The following LPP variants were observed in gnomAD, a reference collection of about 807,000 sequenced individuals.
LPP encodes the protein LIM domain containing preferred translocation partner in lipoma.
Under a neutral mutation model 60.4 loss-of-function variants are expected in LPP, and 38 were observed. The ratio of observed to expected loss-of-function variants is 0.63; its 90% CI spans 0.49 to 0.83. The LOEUF is 0.83. LPP is among the 40% of genes least tolerant of loss of function. LPP has a pLI of 0.00. For missense variants in LPP, 902 were observed against 783.6 expected (o/e 1.15, Z -1.80); for synonymous variants, 328 against 290.8 (o/e 1.13, Z -1.30).
chr3:188,760,409 GGTGTGTGTGTGT>G (rs3841956), intron 9 of LPP, 127 bp downstream of exon 9: 13 of 602,708 alleles, frequency 2.2e-5, no homozygotes, highest in East Asian at 5.7e-5. Flanking sequence ...GTGTGTGTGG[GGTGTGTGTGTGT>G]GTGTGTGTGT....
At chr3:188,316,205 G>C (rs192566125) in intron 2 of LPP, among the ~76,000 whole-genome samples, 2 of 152,350 alleles carry the variant, frequency 1.3e-5, no homozygotes, top group East Asian at 3.9e-4. Context: ...TTGAACTCAG[G>C]AGGCGGAGGT....
intron 7 of LPP, among the ~76,000 whole-genome samples, chr3:188,640,550 G>A (rs1227770227): frequency 1.0e-4 from 14 of 137,180 alleles, no homozygotes; most frequent in East Asian, 8.5e-4. Flanking sequence ...AGTTTGGGAC[G>A]AAAAAAAAAA....
chr3:188,306,215 G>A (rs1751475367), intron 2 of LPP, among the ~76,000 whole-genome samples: 1 of 151,640 alleles, frequency 6.6e-6, no homozygotes, highest in Admixed American at 6.6e-5. Context: ...CAAGTAGCTG[G>A]GATTGCAGGT....
At chr3:188,685,374 G>A (rs941180162) in intron 7 of LPP, among the ~76,000 whole-genome samples, 4 of 152,146 alleles carry the variant, frequency 2.6e-5, no homozygotes, top group African/African-American at 9.7e-5. Flanking sequence ...CACAGCCTCG[G>A]TGTGGAAAAT....
intron 5 of LPP, among the ~76,000 whole-genome samples, chr3:188,489,144 A>G (rs1422519485): frequency 6.6e-6 from 1 of 152,216 alleles, no homozygotes; most frequent in African/African-American, 2.4e-5. Flanking sequence ...TTCCTACATA[A>G]CAAAATGTTT....
chr3:188,365,074 G>A (rs1770705615), intron 3 of LPP, among the ~76,000 whole-genome samples: 1 of 150,112 alleles, frequency 6.7e-6, no homozygotes, highest in African/African-American at 2.5e-5. Context: ...TCCTCCTTAT[G>A]TTTTTTTCCT....
intron 6 of LPP, among the ~76,000 whole-genome samples, chr3:188,564,151 T>C (rs1175391104): frequency 1.3e-5 from 2 of 152,018 alleles, no homozygotes; most frequent in Non-Finnish European, 2.9e-5. Flanking sequence ...ATAATCAGAC[T>C]TTAAAAAATA....
At chr3:188,253,371 G>T (rs1730598118) in intron 2 of LPP, among the ~76,000 whole-genome samples, 2 of 152,124 alleles carry the variant, frequency 1.3e-5, no homozygotes, top group African/African-American at 4.8e-5. Context: ...TACCTGTATA[G>T]TTTCATTTTT....
intron 3 of LPP, among the ~76,000 whole-genome samples, chr3:188,356,747 C>A (rs763761182): frequency 1.9e-4 from 29 of 152,092 alleles, no homozygotes; most frequent in Non-Finnish European, 2.9e-4. Context: ...CTAATTGAGA[C>A]CTCATTTGTT....
chr3:188,365,331 C>T (rs1341690141), intron 3 of LPP, among the ~76,000 whole-genome samples: 2 of 152,212 alleles, frequency 1.3e-5, no homozygotes, highest in Non-Finnish European at 1.5e-5. Context: ...ATTATGACAA[C>T]AGAGGATGCC....
At chr3:188,210,915 C>T (rs989525328) in intron 1 of LPP, among the ~76,000 whole-genome samples, 2 of 152,120 alleles carry the variant, frequency 1.3e-5, no homozygotes, top group Non-Finnish European at 2.9e-5. Flanking sequence ...GTTGCAATGG[C>T]GAGATCTCTG....
At chr3:188,386,240 T>C (rs1444937296) in intron 3 of LPP, among the ~76,000 whole-genome samples, 1 of 147,946 alleles carries the variant, frequency 6.8e-6, no homozygotes, top group African/African-American at 2.5e-5. Flanking sequence ...CTTCAGTAGA[T>C]AGCACTTAAG....
At chr3:188,561,625 A>G (rs1830707840) in intron 6 of LPP, among the ~76,000 whole-genome samples, 1 of 152,072 alleles carries the variant, frequency 6.6e-6, no homozygotes, top group South Asian at 2.1e-4. Context: ...TTCATGTTTT[A>G]TAAAGCATTG....
At chr3:188,443,446 T>C (rs1456000894) in intron 4 of LPP, among the ~76,000 whole-genome samples, 1 of 152,230 alleles carries the variant, frequency 6.6e-6, no homozygotes, top group South Asian at 2.1e-4. Context: ...AGTTTCTCCA[T>C]TTATCCAATA....
intron 9 of LPP, among the ~76,000 whole-genome samples, chr3:188,812,537 G>A (rs764669363): frequency 6.6e-5 from 10 of 152,168 alleles, no homozygotes; most frequent in Non-Finnish European, 1.3e-4. Context: ...TTTAGCATCT[G>A]TGTTTATCTT....
intron 6 of LPP, among the ~76,000 whole-genome samples, chr3:188,570,125 T>C (rs1833187925): frequency 6.6e-6 from 1 of 151,882 alleles, no homozygotes; most frequent in Non-Finnish European, 1.5e-5. Flanking sequence ...ATGCAATTAG[T>C]GTACTCTATT....
chr3:188,244,948 A>T (rs535928766), intron 2 of LPP, among the ~76,000 whole-genome samples: 1 of 152,204 alleles, frequency 6.6e-6, no homozygotes, highest in African/African-American at 2.4e-5. Context: ...CTTACTAGGC[A>T]TATGTTCCTT....
Position 188,882,101 on chromosome 3 carries a change from G to C in LPP, c.*7622G>C, listed in dbSNP as rs1349128049. Reference sequence around the variant, plus strand: ...TAAGTAACTTTGATTCTGGCCAACTGTAATAAGATCCAACCACTTAAATCT... The same window carrying C: ...TAAGTAACTTTGATTCTGGCCAACTCTAATAAGATCCAACCACTTAAATCT... On this transcript the variant is annotated 3_prime_UTR_variant, in exon 12 of 12. Coordinates refer to ENST00000617246, the MANE Select transcript of LPP (RefSeq NM_001375462.1). 1.4e-5 allele frequency: 3 copies of C among 210,172 alleles called. No individual in the cohort carries two copies. The East Asian group carries it at 2.2e-4, about 15-fold the overall frequency. The allele number at this position is 210,172 out of a possible 1,614,324, so 13.0% of individuals were successfully genotyped here. A position where few individuals can be genotyped will look rare whatever the true frequency, so the allele number is the denominator to read the frequency against.
At chr3:188,189,495 A>G (rs917359614) in intron 1 of LPP, among the ~76,000 whole-genome samples, 3 of 152,172 alleles carry the variant, frequency 2.0e-5, no homozygotes, top group African/African-American at 4.8e-5. Context: ...GGAATTTGGA[A>G]TTCTGATTTA....
Sources: allele counts gnomAD v4.1 joint callset (sites outside exome capture counted in the v4.1 genomes callset), GRCh38; gene constraint gnomAD v4.1.1; transcripts MANE v1.5; gene names NCBI Gene and HGNC (gene_info 2026-07-23, HGNC 2026-07-21).